The following CAB39L variants were observed in gnomAD, a reference collection of about 807,000 sequenced individuals.
CAB39L encodes the protein calcium binding protein 39 like, also known as calcium-binding protein 39-like.
A neutral mutation model predicts 39.1 loss-of-function variants in CAB39L; 23 were observed. That is an observed-to-expected ratio of 0.59 (90% CI 0.42 to 0.83). CAB39L has a LOEUF of 0.83. Among genes scored for constraint, CAB39L ranks in the 40% least tolerant of loss-of-function variants. CAB39L has a pLI of 0.00. For missense variants in CAB39L, 366 were observed against 391.9 expected (o/e 0.93, Z 0.56); for synonymous variants, 126 against 137.2 (o/e 0.92, Z 0.57).
chr13:49,436,883 T>G (rs1957427212), intron 1 of CAB39L, among the ~76,000 whole-genome samples: 2 of 152,170 alleles, frequency 1.3e-5, no homozygotes, highest in Non-Finnish European at 2.9e-5. Context: ...TCTTTAGTGC[T>G]ATAGTTGGAT....
intron 3 of CAB39L, among the ~76,000 whole-genome samples, chr13:49,416,459 T>A (rs978637151): frequency 6.6e-6 from 1 of 152,340 alleles, no homozygotes; most frequent in East Asian, 1.9e-4. Flanking sequence ...ATTTTTAAAC[T>A]GTGGATTACA....
At chr13:49,359,869 C>A in intron 5 of CAB39L, 37 bp from the exon 6 acceptor site, 1 of 1,111,854 alleles carries the variant, frequency 9.0e-7, no homozygotes. Context: ...ATTGTACACT[C>A]TAAATGGATG....
chr13:49,325,077 T>C (rs1370682801), intron 10 of CAB39L, among the ~76,000 whole-genome samples: 1 of 152,240 alleles, frequency 6.6e-6, no homozygotes, highest in East Asian at 1.9e-4. Context: ...ACTTGTTTGA[T>C]GATGTTGCTA....
intron 3 of CAB39L, among the ~76,000 whole-genome samples, chr13:49,400,939 A>G (rs1202761664): frequency 6.6e-6 from 1 of 151,774 alleles, no homozygotes; most frequent in African/African-American, 2.4e-5. Context: ...GCCTTAGGCA[A>G]CAGAGAAGTA....
At chr13:49,414,236 T>C (rs1957043062) in intron 3 of CAB39L, 2 of 152,194 alleles carry the variant, frequency 1.3e-5, no homozygotes, top group South Asian at 4.1e-4. Context: ...AAAAAATGAA[T>C]CATTCTTTTC....
chr13:49,398,932 AT>A (rs1956702033), intron 3 of CAB39L, among the ~76,000 whole-genome samples: 1 of 152,064 alleles, frequency 6.6e-6, no homozygotes, highest in Non-Finnish European at 1.5e-5. Flanking sequence ...ATTCCTACTC[AT>A]TCAAGGCAGC....
chr13:49,315,305 C>G (rs758490570), intron 10 of CAB39L, among the ~76,000 whole-genome samples: 2 of 152,064 alleles, frequency 1.3e-5, no homozygotes, highest in African/African-American at 4.8e-5. Flanking sequence ...GTGAGCCCAC[C>G]GCTCAGCCAG....
intron 4 of CAB39L, among the ~76,000 whole-genome samples, chr13:49,381,615 T>G (rs1321894055): frequency 5.3e-5 from 8 of 152,232 alleles, no homozygotes. Context: ...ATCAGTACAT[T>G]ACCCCTTCAT....
At chr13:49,385,503 A>C (rs1330096579) in intron 3 of CAB39L, among the ~76,000 whole-genome samples, 2 of 152,222 alleles carry the variant, frequency 1.3e-5, no homozygotes, top group African/African-American at 2.4e-5. Flanking sequence ...CTTTGCATCC[A>C]CAGCTTGGCT....
chr13:49,372,955 G>A (rs1955960818), intron 5 of CAB39L, among the ~76,000 whole-genome samples: 1 of 152,228 alleles, frequency 6.6e-6, no homozygotes, highest in Non-Finnish European at 1.5e-5. Context: ...TTACAGGCAT[G>A]AGCCACTGCG....
intron 10 of CAB39L, among the ~76,000 whole-genome samples, chr13:49,331,195 G>A (rs1006688091): frequency 2.6e-5 from 4 of 152,174 alleles, no homozygotes; most frequent in Admixed American, 6.5e-5. Context: ...GCCAGGCACA[G>A]TGGCTCATGC....
At chr13:49,376,891 G>C in intron 5 of CAB39L, 76 bp downstream of exon 5, 1 of 786,904 alleles carries the variant, frequency 1.3e-6, no homozygotes. Context: ...AAGTTGAATA[G>C]TAGATAGATA....
At chr13:49,356,638 T>C (rs1955492891) in intron 6 of CAB39L, among the ~76,000 whole-genome samples, 1 of 152,260 alleles carries the variant, frequency 6.6e-6, no homozygotes, top group Non-Finnish European at 1.5e-5. Context: ...CTCTCATTTA[T>C]ATTATTGTTT....
chr13:49,443,100 AAGG>A (rs1229266421), intron 1 of CAB39L, among the ~76,000 whole-genome samples: 3 of 151,480 alleles, frequency 2.0e-5, no homozygotes, highest in Admixed American at 6.6e-5. Context: ...AAAAAAAAAA[AAGG>A]AGGAGGGAAA....
At position 49,310,951 on chromosome 13, in the gene CAB39L, T is replaced by G. The variant is rs1167100587; in HGVS notation, c.877A>C (p.Ile293Leu). The G allele has an allele frequency of 3.7e-6, 6 of 1,613,960 alleles. No homozygotes were observed. The highest frequency in any genetic ancestry group is 8.5e-7 in the Non-Finnish European group (1 of 1,180,016). ...AGTTTGGGCTGATTTTTTAACAGGA[T>G]CTCCACAATAGGCTGTGTTTTGTGA... ...SPHKTQPIVEILLKNQPKLIE... is the reference protein window; with the variant it reads ...SPHKTQPIVELLLKNQPKLIE... The change falls in exon 11 of 11, where the codon ATC (isoleucine) becomes CTC (leucine). Residue 293 changes from isoleucine to leucine, a missense_variant. Coordinates refer to ENST00000409308, the MANE Select transcript of CAB39L (RefSeq NM_001079670.3).
intron 10 of CAB39L, among the ~76,000 whole-genome samples, chr13:49,314,153 G>A (rs1003570158): frequency 7.2e-5 from 11 of 152,124 alleles, no homozygotes; most frequent in South Asian, 2.1e-4. Flanking sequence ...TGAGGTGGGC[G>A]GGACAGGACG....
intron 9 of CAB39L, among the ~76,000 whole-genome samples, chr13:49,332,855 A>AGG (rs1287666816): frequency 6.6e-6 from 1 of 151,844 alleles, no homozygotes; most frequent in Non-Finnish European, 1.5e-5. Context: ...TTCAGCAGCC[A>AGG]GGGGGCTGAA....
rs922631809 is a variant in CAB39L at position 49,405,713 on chromosome 13, G to C, written c.-31-22772C>G. On this transcript the variant is annotated intron_variant, in intron 3 of 10. Transcript: ENST00000409308. ...CTGCTGAAAGAAAGAAAGAAAGAAA[G>C]AGAGAGAGGAAGGAAGGAAGGAAGG... Among the ~76,000 whole-genome samples the C allele has an allele frequency of 2.9e-5, 4 of 136,182 alleles. No homozygotes were observed. The Admixed American group carries it at 3.0e-4, about 10-fold the overall frequency. 89.3% of individuals were successfully genotyped at this position (136,182 alleles called of 152,430 possible). A position where few individuals can be genotyped will look rare whatever the true frequency, so the allele number is the denominator to read the frequency against.
At chr13:49,443,919 T>C (rs1053960326) in intron 1 of CAB39L, 67 bp downstream of exon 1, 2 of 456,458 alleles carry the variant, frequency 4.4e-6, no homozygotes, top group Non-Finnish European at 4.4e-6. Context: ...GGCCAGGCGC[T>C]ATGTATGTTT....
Sources: allele counts gnomAD v4.1 joint callset (sites outside exome capture counted in the v4.1 genomes callset), GRCh38; gene constraint gnomAD v4.1.1; transcripts MANE v1.5; gene names NCBI Gene and HGNC (gene_info 2026-07-23, HGNC 2026-07-21).